Variants in PRKCQ observed in about 807,000 individuals in gnomAD.
PRKCQ encodes the protein protein kinase C theta.
Under a neutral mutation model 91.2 loss-of-function variants are expected in PRKCQ, and 41 were observed. The observed-to-expected ratio is 0.45, with a 90% CI of 0.35 to 0.58. The LOEUF (loss-of-function observed/expected upper bound fraction) is 0.58. PRKCQ is among the 20% of genes least tolerant of loss of function. The pLI is 0.00. For missense variants in PRKCQ, 673 were observed against 896.5 expected (o/e 0.75, Z 3.18); for synonymous variants, 307 against 316.9 (o/e 0.97, Z 0.33).
intron 15 of PRKCQ, among the ~76,000 whole-genome samples, chr10:6,442,523 G>A (rs759294323): frequency 5.9e-5 from 9 of 152,152 alleles, no homozygotes; most frequent in Non-Finnish European, 1.3e-4. Context: ...GTAGTAATCA[G>A]GCATCCAAAG....
At chr10:6,464,235 G>T in intron 13 of PRKCQ, 78 bp downstream of exon 13, 1 of 1,313,356 alleles carries the variant, frequency 7.6e-7, no homozygotes, top group Non-Finnish European at 1.1e-6. Flanking sequence ...GGCATGCCAA[G>T]TGGGAAAAAA....
At chr10:6,579,687 T>C (rs1166218837) in intron 1 of PRKCQ, among the ~76,000 whole-genome samples, 5 of 144,168 alleles carry the variant, frequency 3.5e-5, no homozygotes, top group South Asian at 2.2e-4. Context: ...AAGACCTGCC[T>C]CCCCCTCCCC....
intron 1 of PRKCQ, among the ~76,000 whole-genome samples, chr10:6,536,354 T>C (rs1321608818): frequency 6.6e-6 from 1 of 152,272 alleles, no homozygotes; most frequent in East Asian, 1.9e-4. Flanking sequence ...ACCTTGGCTA[T>C]GCCCTTGACT....
intron 4 of PRKCQ, among the ~76,000 whole-genome samples, chr10:6,500,140 G>A (rs189995262): frequency 2.0e-5 from 3 of 152,308 alleles, no homozygotes; most frequent in African/African-American, 7.2e-5. Context: ...TTAAATTAAG[G>A]ATCACTGAGT....
intron 1 of PRKCQ, chr10:6,515,492 G>C (rs1838715225): frequency 1.0e-6 from 1 of 985,296 alleles, no homozygotes; most frequent in African/African-American, 1.7e-5. Flanking sequence ...TGTTATTCAA[G>C]TAGGTGCCCA....
chr10:6,407,470 A>AGTGTGTGTGT, the PRKCQ span, among the ~76,000 whole-genome samples: 21 of 148,962 alleles, frequency 1.4e-4, no homozygotes, highest in African/African-American at 4.7e-4. The surrounding 1 kb of genome is among the most constrained non-coding windows in gnomAD (Gnocchi z 4.0). Flanking sequence ...GTACATGTTC[A>AGTGTGTGTGT]GTGTGTGTGT....
chr10:6,419,986 G>A, the PRKCQ span, among the ~76,000 whole-genome samples: 1 of 151,400 alleles, frequency 6.6e-6, no homozygotes, highest in East Asian at 2.0e-4. Context: ...AACGTGCCCA[G>A]CCGAAATCTC....
At chr10:6,456,878 A>G in intron 14 of PRKCQ, 66 bp from the exon 15 acceptor site, 2 of 1,552,502 alleles carry the variant, frequency 1.3e-6, no homozygotes, top group Non-Finnish European at 1.8e-6. Context: ...AAAATTCCAT[A>G]GGAGGCGAGG....
chr10:6,499,124 T>G (rs992401204), intron 4 of PRKCQ, among the ~76,000 whole-genome samples: 2 of 152,174 alleles, frequency 1.3e-5, no homozygotes, highest in African/African-American at 4.8e-5. Context: ...TGTGTCCTGG[T>G]TCCTGATGTC....
chr10:6,399,602 G>C, the PRKCQ span, among the ~76,000 whole-genome samples: 105 of 152,266 alleles, frequency 6.9e-4, 1 homozygote, highest in African/African-American at 2.5e-3. Context: ...GAAGAGAGCA[G>C]GGTGAGGAGA....
intron 2 of PRKCQ, among the ~76,000 whole-genome samples, chr10:6,513,760 G>A (rs147136411): frequency 6.6e-6 from 1 of 152,024 alleles, no homozygotes; most frequent in Non-Finnish European, 1.5e-5. Flanking sequence ...GCTTTTGGTG[G>A]GGGATGCAAA....
the PRKCQ span, among the ~76,000 whole-genome samples, chr10:6,408,235 A>ACAT: frequency 3.3e-5 from 5 of 152,246 alleles, no homozygotes; most frequent in African/African-American, 1.2e-4. Flanking sequence ...TTTGCTGATT[A>ACAT]CATCTCCAGG....
chr10:6,570,236 C>A (rs1588435481), intron 1 of PRKCQ, among the ~76,000 whole-genome samples: 1 of 152,072 alleles, frequency 6.6e-6, no homozygotes, highest in Non-Finnish European at 1.5e-5. Flanking sequence ...GAGGCAAGGC[C>A]AGGCATCTGT....
chr10:6,567,277 T>C (rs112973435), intron 1 of PRKCQ, among the ~76,000 whole-genome samples: 40 of 152,314 alleles, frequency 2.6e-4, no homozygotes, highest in South Asian at 6.2e-4. Flanking sequence ...GGGCAAATAG[T>C]GTTTCATGAA....
At chr10:6,510,025 T>C (rs557203870) in intron 3 of PRKCQ, among the ~76,000 whole-genome samples, 2 of 152,306 alleles carry the variant, frequency 1.3e-5, no homozygotes, top group Admixed American at 1.3e-4. Context: ...ATCTTTTGGG[T>C]GGATTTCTTA....
At chr10:6,432,630 G>A (rs1006528570) in intron 16 of PRKCQ, among the ~76,000 whole-genome samples, 7 of 152,188 alleles carry the variant, frequency 4.6e-5, no homozygotes, top group Non-Finnish European at 7.4e-5. Flanking sequence ...CCTTGGATAA[G>A]TTTTCTGAGT....
At chr10:6,463,998 G>A (rs1835497785) in intron 13 of PRKCQ, among the ~76,000 whole-genome samples, 1 of 152,200 alleles carries the variant, frequency 6.6e-6, no homozygotes, top group East Asian at 1.9e-4. Flanking sequence ...CCACCCTTGA[G>A]GTCTGCAGTC....
downstream of PRKCQ, among the ~76,000 whole-genome samples, chr10:6,423,848 G>A (rs2132208758): frequency 6.6e-6 from 1 of 152,272 alleles, no homozygotes; most frequent in South Asian, 2.1e-4. Context: ...ATCCTGTAGT[G>A]CCTGTAGGAC....
intron 1 of PRKCQ, among the ~76,000 whole-genome samples, chr10:6,571,749 A>G (rs573413092): frequency 6.6e-6 from 1 of 152,294 alleles, no homozygotes; most frequent in Non-Finnish European, 1.5e-5. Context: ...TGTTGCAGTG[A>G]GCCGAGATTG....
Sources: allele counts gnomAD v4.1 joint callset (sites outside exome capture counted in the v4.1 genomes callset), GRCh38; gene constraint gnomAD v4.1.1; non-coding constraint Gnocchi (gnomAD v3.1); transcripts MANE v1.5; gene names NCBI Gene and HGNC (gene_info 2026-07-23, HGNC 2026-07-21).